The following ESRRG variants were observed in gnomAD, a reference collection of about 807,000 sequenced individuals.
ESRRG encodes the protein estrogen related receptor gamma.
ESRRG carries 13 observed loss-of-function variants against 44.0 expected under a neutral mutation model. The observed-to-expected ratio is 0.30, with a 90% CI of 0.19 to 0.47. The LOEUF (loss-of-function observed/expected upper bound fraction) is 0.47, where lower values mean the gene tolerates loss of function less well. Among genes scored for constraint, ESRRG ranks in the 20% least tolerant of loss-of-function variants. The pLI, the probability that ESRRG is intolerant of heterozygous loss-of-function variation, is 1.00. For missense variants in ESRRG, 395 were observed against 580.6 expected (o/e 0.68, Z 3.29); for synonymous variants, 215 against 214.6 (o/e 1.00, Z -0.02).
chr1:216,677,550 C>T, intron 1 of ESRRG, 59 bp from the exon 2 acceptor site: 1 of 1,375,706 alleles, frequency 7.3e-7, no homozygotes, highest in Non-Finnish European at 9.8e-7. Context: ...AGCACAGAGA[C>T]CAAAAGAGGT....
intron 3 of ESRRG, among the ~76,000 whole-genome samples, chr1:216,578,898 TAG>T (rs1026110214): frequency 6.6e-6 from 1 of 152,146 alleles, no homozygotes; most frequent in African/African-American, 2.4e-5. Context: ...TTTTCTCTCC[TAG>T]AGTTAACAAT....
At chr1:216,580,667 T>A (rs1423271007) in intron 3 of ESRRG, among the ~76,000 whole-genome samples, 1 of 152,208 alleles carries the variant, frequency 6.6e-6, no homozygotes, top group Admixed American at 6.5e-5. Flanking sequence ...ATGAGTTTGA[T>A]CACATGTTAA....
intron 2 of ESRRG, among the ~76,000 whole-genome samples, chr1:216,907,027 A>T (rs2059756877): frequency 6.6e-6 from 1 of 152,166 alleles, no homozygotes; most frequent in Non-Finnish European, 1.5e-5. Flanking sequence ...ATGTGCATTA[A>T]TTTGGAACAC....
intron 2 of ESRRG, among the ~76,000 whole-genome samples, chr1:216,660,285 A>T (rs11117648): frequency 0.21 from 31,535 of 152,186 alleles, 4,194 homozygotes; most frequent in Non-Finnish European, 0.3. Flanking sequence ...ATCCAGTTCA[A>T]TGGCCTTTAA....
chr1:216,531,385 C>G (rs2049325195), intron 5 of ESRRG, among the ~76,000 whole-genome samples: 1 of 152,036 alleles, frequency 6.6e-6, no homozygotes. Flanking sequence ...TATTTACTCC[C>G]AAGTTCACGG....
chr1:216,764,168 C>T (rs2092944587), intron 2 of ESRRG, among the ~76,000 whole-genome samples: 2 of 124,268 alleles, frequency 1.6e-5, no homozygotes, highest in South Asian at 3.0e-4. Context: ...AACAAACTAC[C>T]TAATTGATTC....
chr1:217,027,278 A>G (rs2081364188), intron 1 of ESRRG, among the ~76,000 whole-genome samples: 1 of 152,204 alleles, frequency 6.6e-6, no homozygotes, highest in African/African-American at 2.4e-5. Context: ...CATTATAAAT[A>G]GAAATAGTCA....
chr1:216,789,490 A>G (rs1394886153), intron 2 of ESRRG, among the ~76,000 whole-genome samples: 1 of 152,200 alleles, frequency 6.6e-6, no homozygotes, highest in African/African-American at 2.4e-5. Flanking sequence ...TAGTATAAGC[A>G]TAACATTTTT....
chr1:217,088,214 A>G (rs1037022265), intron 1 of ESRRG, among the ~76,000 whole-genome samples: 1 of 152,088 alleles, frequency 6.6e-6, no homozygotes, highest in Non-Finnish European at 1.5e-5. Context: ...TGAGAAACAA[A>G]TGAGAGTTTC....
At chr1:216,685,395 C>T (rs919062973) in intron 1 of ESRRG, among the ~76,000 whole-genome samples, 1 of 152,192 alleles carries the variant, frequency 6.6e-6, no homozygotes, top group South Asian at 2.1e-4. Flanking sequence ...TAGTCTCCTA[C>T]TTCTACAAAT....
intron 1 of ESRRG, among the ~76,000 whole-genome samples, chr1:217,122,664 C>CTTTTTT (rs10716545): frequency 1.1e-5 from 1 of 87,340 alleles, no homozygotes; most frequent in African/African-American, 4.8e-5. Flanking sequence ...GACACACACA[C>CTTTTTT]TTTTTTTTTT....
intron 2 of ESRRG, among the ~76,000 whole-genome samples, chr1:216,848,581 C>T (rs2095795917): frequency 6.6e-6 from 1 of 152,122 alleles, no homozygotes; most frequent in African/African-American, 2.4e-5. Context: ...CTACATTGCG[C>T]AGCATGTTGC....
chr1:216,902,865 G>A (rs1341183691), intron 2 of ESRRG, among the ~76,000 whole-genome samples: 1 of 152,126 alleles, frequency 6.6e-6, no homozygotes, highest in African/African-American at 2.4e-5. Context: ...GTTCTTTACT[G>A]TTGACACATT....
At chr1:216,535,090 T>C (rs1335376606) in intron 5 of ESRRG, among the ~76,000 whole-genome samples, 1 of 152,090 alleles carries the variant, frequency 6.6e-6, no homozygotes, top group African/African-American at 2.4e-5. Flanking sequence ...AGGGTGTTCA[T>C]AGGCAAAAGA....
At chr1:217,074,545 A>G (rs1022018035) in intron 1 of ESRRG, among the ~76,000 whole-genome samples, 2 of 151,566 alleles carry the variant, frequency 1.3e-5, no homozygotes, top group African/African-American at 4.8e-5. Flanking sequence ...TTTTAATAAC[A>G]GTGTTATATA....
intron 1 of ESRRG, among the ~76,000 whole-genome samples, chr1:217,127,247 T>C (rs1253218425): frequency 6.6e-6 from 1 of 152,250 alleles, no homozygotes; most frequent in Non-Finnish European, 1.5e-5. Context: ...TCATTTTCTA[T>C]GTTTATTATT....
At chr1:216,601,399 G>C (rs184609794) in intron 3 of ESRRG, among the ~76,000 whole-genome samples, 25 of 152,290 alleles carry the variant, frequency 1.6e-4, no homozygotes, top group Middle Eastern at 6.8e-3. Context: ...CGCGAAGGAG[G>C]GGGGCTCCAA....
At chr1:217,119,648 T>A (rs1367762146) in intron 1 of ESRRG, among the ~76,000 whole-genome samples, 1 of 152,256 alleles carries the variant, frequency 6.6e-6, no homozygotes, top group Non-Finnish European at 1.5e-5. Flanking sequence ...TCAGTTGGCT[T>A]TGATTTACTT....
chr1:216,787,612 A>C (rs1236047603), intron 2 of ESRRG, among the ~76,000 whole-genome samples: 9 of 151,308 alleles, frequency 5.9e-5, no homozygotes, highest in Non-Finnish European at 1.2e-4. Flanking sequence ...AAAAAAAAAA[A>C]AAAAAAAAAA....
Sources: gnomAD v4.1 joint callset for allele counts (sites outside exome capture counted in the v4.1 genomes callset) on GRCh38, gnomAD v4.1.1 for gene constraint, MANE v1.5 for transcripts, NCBI Gene and HGNC (gene_info 2026-07-23, HGNC 2026-07-21) for gene names.